The following UBE3B variants were observed in gnomAD, a reference collection of about 807,000 sequenced individuals.
UBE3B encodes ubiquitin protein ligase E3B, also known as ubiquitin-protein ligase E3B.
In UBE3B, 80 loss-of-function variants were observed where a neutral mutation model predicts 132.3. The observed-to-expected ratio is 0.60, with a 90% CI of 0.50 to 0.73. UBE3B has a LOEUF of 0.73. UBE3B is among the 30% of genes least tolerant of loss of function. The pLI is 0.00. For missense variants in UBE3B, 1,196 were observed against 1,362.5 expected, an observed-to-expected ratio of 0.88 and a Z score of 1.92; for synonymous variants, 487 against 520.4, an observed-to-expected ratio of 0.94 and a Z score of 0.87.
intron 6 of UBE3B, 75 bp downstream of exon 6, chr12:109,486,650 G>C (rs1876520010): frequency 8.3e-7 from 1 of 1,211,402 alleles, no homozygotes; most frequent in Non-Finnish European, 1.1e-6. Context: ...GTAGACTTTA[G>C]TCTGTATTTT....
rs1268980614 is a variant in UBE3B at position 109,534,134 on chromosome 12, C to G, written c.3016-457C>G. 8 of 1,291,816 alleles carry G rather than the reference C, an allele frequency of 6.2e-6. No individual in the cohort carries two copies. Among genetic ancestry groups the G allele is most frequent in the Non-Finnish European group, 8.1e-6 (8 of 992,554 alleles). 80.0% of individuals were successfully genotyped at this position (1,291,816 alleles called of 1,614,324 possible). The stretch of plus-strand genomic sequence containing the variant: ...GCTGCCTCTCATGATGCAGTTTGAG[C>G]CCGTGATGCCACCTTGTACAGGAAG... On this transcript the variant is annotated intron_variant, in intron 27 of 27. Coordinates refer to ENST00000342494, the MANE Select transcript of UBE3B (RefSeq NM_130466.4). The surrounding 1 kb of genome is among the most constrained non-coding windows in gnomAD (Gnocchi z 5.2).
At chr12:109,509,299 G>A (rs929680922) in intron 15 of UBE3B, 7 of 187,860 alleles carry the variant, frequency 3.7e-5, no homozygotes, top group African/African-American at 1.6e-4. Flanking sequence ...TACATGTGCT[G>A]AAAGTGCAGG....
intron 26 of UBE3B, 79 bp downstream of exon 26, chr12:109,530,737 G>A: frequency 2.2e-6 from 3 of 1,377,402 alleles, no homozygotes; most frequent in Non-Finnish European, 3.1e-6. Context: ...AATTTACGCT[G>A]AAGAAACTGA....
rs1281060028 is a variant in UBE3B, at chr12:109,534,763, C to T, written c.3188C>T (p.Thr1063Met). The T allele has an allele frequency of 1.3e-6, 2 of 1,568,600 alleles. No homozygotes were observed. Among genetic ancestry groups the T allele is most frequent in the East Asian group, 2.3e-5 (1 of 43,616 alleles). The part of the protein sequence containing the change: ...EKLRYAISMN[T>M]GFELS The stretch of plus-strand genomic sequence containing the variant: ...CTGCGCTACGCCATCAGCATGAACA[C>T]GGGCTTTGAACTCTCCTAGCTCCTG... The change falls in exon 28 of 28, where the codon ACG becomes ATG. Residue 1063 changes from threonine to methionine, a missense_variant. Coordinates refer to ENST00000342494, the MANE Select transcript of UBE3B (RefSeq NM_130466.4). This position sits in a 1 kb window ranked among gnomAD's most constrained non-coding sequence, Gnocchi z 5.2.
intron 19 of UBE3B, chr12:109,518,068 A>G: frequency 3.1e-6 from 1 of 318,052 alleles, no homozygotes; most frequent in Non-Finnish European, 6.6e-6. Context: ...GTGAAGGAGT[A>G]AAGCTGGCTG....
chr12:109,526,224 A>G (rs1368663013), intron 23 of UBE3B, 134 bp from the exon 24 acceptor site: 1 of 868,460 alleles, frequency 1.2e-6, no homozygotes, highest in Non-Finnish European at 1.8e-6. Flanking sequence ...TTTATGAGAA[A>G]GGATGGTTCC....
chr12:109,485,563 T>G (rs1166410441), intron 4 of UBE3B, among the ~76,000 whole-genome samples: 1 of 152,232 alleles, frequency 6.6e-6, no homozygotes, highest in African/African-American at 2.4e-5. Context: ...TCCACTTTTC[T>G]TCCTTTTGCA....
chr12:109,490,024 C>T lies in UBE3B; in HGVS notation c.630+20C>T. The T allele has an allele frequency of 6.2e-7, 1 of 1,609,808 alleles. No homozygotes were observed. The highest frequency in any genetic ancestry group is 8.5e-7 in the Non-Finnish European group (1 of 1,176,202). On this transcript the variant is annotated intron_variant, in intron 8 of 27. Transcript: ENST00000342494. ...CTGCAGGTCTGTGACTCCTGCCCCC[C>T]AGTGTGCAACTTCTCCACTCTCCAA...
rs1880341097 is a variant in UBE3B at position 109,511,298 on chromosome 12, A to G, written c.1951A>G (p.Lys651Glu). Residue 651 changes from lysine to glutamate, a missense_variant, in exon 18 of 28, where the codon AAA becomes GAA. Lys to Glu is a moderately conservative substitution (Grantham distance 56). Transcript: ENST00000342494. ...GTACATCCCACATGTCATCCCTCACAAAAACGTGAGTTGCACTCAGAGCTG... is the reference window on the plus strand; with the variant it reads ...GTACATCCCACATGTCATCCCTCACGAAAACGTGAGTTGCACTCAGAGCTG... The part of the protein sequence containing the change: ...LQYIPHVIPH[K>E]NRVLLFRTMV... 1.2e-6 allele frequency: 2 copies of G among 1,613,908 alleles called. No individual in the cohort carries two copies. Among genetic ancestry groups the G allele is most frequent in the Non-Finnish European group, 1.7e-6 (2 of 1,179,828 alleles).
rs376987184 is a variant in UBE3B, at chr12:109,503,033, G to T, written c.1293G>T (p.Lys431Asn). The T allele has an allele frequency of 1.5e-5, 25 of 1,614,034 alleles. No homozygotes were observed. The highest frequency in any genetic ancestry group is 2.0e-5 in the Non-Finnish European group (24 of 1,180,032). Reference sequence around the variant, plus strand: ...TTTTCTCCATGCCAGGTCTCCTAAAGCGTGCTTTTCAAAAGTCGGCATCAG... The same window carrying T: ...TTTTCTCCATGCCAGGTCTCCTAAATCGTGCTTTTCAAAAGTCGGCATCAG... ...QNVLPVKSLL[K>N]RAFQKSASVR... is the part of the protein sequence containing the mutation. The change falls in exon 14 of 28, where the codon AAG becomes AAT. Residue 431 changes from lysine to asparagine, a missense_variant. Coordinates refer to ENST00000342494, the MANE Select transcript of UBE3B (RefSeq NM_130466.4).
intron 8 of UBE3B, 163 bp from the exon 9 acceptor site, chr12:109,490,882 C>T (rs1877362263): frequency 9.6e-7 from 1 of 1,046,290 alleles, no homozygotes; most frequent in East Asian, 2.7e-5. Context: ...AAGGAATCTT[C>T]CTGCCTCAGC....
rs530732524 is a variant in UBE3B at position 109,524,852 on chromosome 12, G to A, written c.2568+349G>A. The stretch of plus-strand genomic sequence containing the variant: ...AAGGGGAAGATGCCACCTGAGAAGC[G>A]CCTCAAGCTCAAGCAGAAGCCTGTC... On this transcript the variant is annotated intron_variant, in intron 23 of 27. Transcript: ENST00000342494. Among the ~76,000 whole-genome samples the A allele has an allele frequency of 2.9e-4, 44 of 151,868 alleles. No homozygotes were observed. The South Asian group carries it at 4.0e-3, about 14-fold the overall frequency.
chr12:109,483,383 G>A (rs1337368195), intron 2 of UBE3B, 148 bp from the exon 3 acceptor site: 8 of 668,722 alleles, frequency 1.2e-5, no homozygotes, highest in Admixed American at 3.8e-5. Flanking sequence ...GACTTGTGCC[G>A]GAGAGCTGTT....
intron 14 of UBE3B, among the ~76,000 whole-genome samples, chr12:109,507,255 A>C (rs988254553): frequency 1.3e-5 from 2 of 152,172 alleles, no homozygotes; most frequent in Non-Finnish European, 2.9e-5. Flanking sequence ...CAATTATTTA[A>C]CCTTTCTGTG....
chr12:109,498,135 C>G (rs1878473254), intron 10 of UBE3B, 98 bp from the exon 11 acceptor site: 1 of 1,530,526 alleles, frequency 6.5e-7, no homozygotes, highest in Middle Eastern at 1.7e-4. Context: ...GCTAGCACAT[C>G]CTCCATAACC....
At position 109,510,397 on chromosome 12, in the gene UBE3B, A is replaced by T. The variant is rs1443894310; in HGVS notation, c.1795A>T (p.Met599Leu). ...ELFQSVHGWL[M>L]VLYERDCRRR... ...GTTCCAGTCTGTCCACGGGTGGCTT[A>T]TGGTGCTGTACGAGCGGGACTGCCG... The change falls in exon 17 of 28, where the codon ATG (methionine) becomes TTG (leucine). Residue 599 changes from methionine to leucine, a missense_variant. Coordinates refer to ENST00000342494, the MANE Select transcript of UBE3B (RefSeq NM_130466.4). 6.2e-7 allele frequency: 1 copy of T among 1,613,044 alleles called. No individual in the cohort carries two copies. The highest frequency in any genetic ancestry group is 2.2e-5 in the East Asian group (1 of 44,856).
chr12:109,509,769 A>G, intron 16 of UBE3B, 55 bp downstream of exon 16: 1 of 1,166,552 alleles, frequency 8.6e-7, no homozygotes, highest in Non-Finnish European at 1.2e-6. Context: ...AGGGAGGCCG[A>G]AGAGTCTATG....
chr12:109,526,564 G>A, intron 24 of UBE3B, 148 bp downstream of exon 24: 1 of 842,224 alleles, frequency 1.2e-6, no homozygotes, highest in Non-Finnish European at 1.8e-6. Flanking sequence ...CAGTTCATAG[G>A]CCAGAATTGT....
In UBE3B at chr12:109,483,559, C is replaced by G; in HGVS notation, c.8C>G (p.Thr3Ser). Residue 3 changes from threonine to serine, a missense_variant, in exon 3 of 28, where the codon ACC becomes AGC. Transcript: ENST00000342494. MF[T>S]LSQTSRAWFI... Reference sequence around the variant, plus strand: ...TTGTGCAAGTTTGCAAACATGTTCACCCTGTCTCAGACCTCGAGAGCATGG... The same window carrying G: ...TTGTGCAAGTTTGCAAACATGTTCAGCCTGTCTCAGACCTCGAGAGCATGG... 1 of 1,577,726 alleles carries G rather than the reference C, an allele frequency of 6.3e-7. No homozygotes were observed. The highest frequency in any genetic ancestry group is 2.2e-5 in the East Asian group (1 of 44,600).
Sources: gnomAD v4.1 joint callset for allele counts (sites outside exome capture counted in the v4.1 genomes callset) on GRCh38, gnomAD v4.1.1 for gene constraint, Gnocchi (gnomAD v3.1) non-coding constraint, MANE v1.5 for transcripts, NCBI Gene and HGNC (gene_info 2026-07-23, HGNC 2026-07-21) for gene names.